Variants in STRN observed in about 807,000 individuals in gnomAD.
The protein encoded by STRN is striatin.
In STRN, 53 loss-of-function variants were observed where a neutral mutation model predicts 96.3. The ratio of observed to expected loss-of-function variants is 0.55; its 90% CI spans 0.44 to 0.69. The LOEUF is 0.69. Among genes scored for constraint, STRN ranks in the 30% least tolerant of loss-of-function variants. STRN has a pLI of 0.00. For synonymous variants in STRN, 428 were observed against 355.9 expected, an observed-to-expected ratio of 1.20 and a Z score of -2.28; for missense variants, 987 against 963.9, an observed-to-expected ratio of 1.02 and a Z score of -0.32.
chr2:36,841,500 T>C lies in STRN; in HGVS notation c.*7956A>G, dbSNP rs1023917324. 3.3e-5 allele frequency: 5 copies of C among 152,214 alleles called. No homozygotes were observed. Among genetic ancestry groups the C allele is most frequent in the Non-Finnish European group, 5.9e-5 (4 of 68,044 alleles). 9.4% of individuals were successfully genotyped at this position (152,214 alleles called of 1,614,324 possible). A position where few individuals can be genotyped will look rare whatever the true frequency, so the allele number is the denominator to read the frequency against. On this transcript the variant is annotated 3_prime_UTR_variant, in exon 18 of 18. Coordinates refer to ENST00000263918, the MANE Select transcript of STRN (RefSeq NM_003162.4). The stretch of plus-strand genomic sequence containing the variant: ...GAGTGATATTATTCTATCAAGAGGA[T>C]ATTCTGAAATACGTGGGCTATCGAA...
chr2:36,910,908 G>C (rs1032927823), intron 3 of STRN, among the ~76,000 whole-genome samples: 7 of 152,022 alleles, frequency 4.6e-5, no homozygotes, highest in South Asian at 2.1e-4. Context: ...TCCTACAGTA[G>C]AAATATGAAG....
At chr2:36,944,383 T>C (rs1207972270) in intron 1 of STRN, among the ~76,000 whole-genome samples, 4 of 152,156 alleles carry the variant, frequency 2.6e-5, no homozygotes, top group Non-Finnish European at 5.9e-5. Context: ...TTCAGGATAT[T>C]TGGTAATCTC....
Position 36,846,591 on chromosome 2 carries a change from C to G in STRN, c.*2865G>C, listed in dbSNP as rs1668084241. The G allele has an allele frequency of 6.6e-6, 1 of 150,608 alleles. No homozygotes were observed. Among genetic ancestry groups the G allele is most frequent in the African/African-American group, 2.4e-5 (1 of 40,954 alleles). 9.3% of individuals were successfully genotyped at this position (150,608 alleles called of 1,614,324 possible). ...GTCAGATTAAAAAAAAAATTTCTCA[C>G]AAAGTTCATCATCAGTGATGCAGCT... On this transcript the variant is annotated 3_prime_UTR_variant, in exon 18 of 18. Coordinates refer to ENST00000263918, the MANE Select transcript of STRN (RefSeq NM_003162.4).
intron 1 of STRN, among the ~76,000 whole-genome samples, chr2:36,957,742 G>GTTTTTTTTTTTTTTTTTTTTTTTTTT (rs1158709835): frequency 2.9e-5 from 3 of 103,132 alleles, no homozygotes; most frequent in African/African-American, 3.5e-5. Context: ...TCTTCTTTTT[G>GTTTTTTTTTTTTTTTTTTTTTTTTTT]TCTTTTTTTT....
chr2:36,920,852 G>A (rs1425694932), intron 2 of STRN, among the ~76,000 whole-genome samples: 6 of 151,834 alleles, frequency 4.0e-5, no homozygotes, highest in Non-Finnish European at 8.8e-5. Flanking sequence ...CAAGGCGGGC[G>A]GATCACAAGG....
Position 36,905,620 on chromosome 2 carries a change from T to C in STRN, c.413-2A>G, listed in dbSNP as rs1572663850. ...GCACTTCTGTTTCATTACCTTCATC[T>C]AGAAAACATTAAGTCATAATAAAAC... On this transcript the variant is annotated splice_acceptor_variant, in intron 3 of 17. Transcript: ENST00000263918. LOFTEE classifies it high-confidence loss of function. The C allele has an allele frequency of 6.2e-7, 1 of 1,612,450 alleles. No individual in the cohort carries two copies. Among genetic ancestry groups the C allele is most frequent in the Non-Finnish European group, 8.5e-7 (1 of 1,179,684 alleles).
In STRN at chr2:36,955,497, G is replaced by A. The variant is rs548096837; in HGVS notation, c.234+10733C>T. On this transcript the variant is annotated intron_variant, in intron 1 of 17. Transcript: ENST00000263918. Reference sequence around the variant, plus strand: ...TGAAAAATACAGATAAGACATCTTTGTAGAGTTAAGAACAGGTTAATGTGT... The same window carrying A: ...TGAAAAATACAGATAAGACATCTTTATAGAGTTAAGAACAGGTTAATGTGT... Among the ~76,000 whole-genome samples, 13 of 152,292 alleles carry A rather than the reference G, an allele frequency of 8.5e-5. No homozygotes were observed. The South Asian group carries it at 2.5e-3, about 29-fold the overall frequency.
intron 10 of STRN, among the ~76,000 whole-genome samples, chr2:36,870,880 T>C (rs1668744449): frequency 6.6e-6 from 1 of 152,074 alleles, no homozygotes; most frequent in Admixed American, 6.6e-5. Context: ...TGGGACAAGA[T>C]GTGGAGGTAG....
chr2:36,933,994 C>G (rs1250068357), intron 1 of STRN, among the ~76,000 whole-genome samples: 1 of 152,070 alleles, frequency 6.6e-6, no homozygotes, highest in Non-Finnish European at 1.5e-5. Context: ...CGCCTGTAGT[C>G]CCAGCTACTC....
At position 36,841,361 on chromosome 2, in the gene STRN, A is replaced by T. The variant is rs1409662432; in HGVS notation, c.*8095T>A. 1.3e-5 allele frequency: 2 copies of T among 152,158 alleles called. No homozygotes were observed. The highest frequency in any genetic ancestry group is 4.8e-5 in the African/African-American group (2 of 41,434). The allele number at this position is 152,158 out of a possible 1,614,324, so 9.4% of individuals were successfully genotyped here. ...TACTGAGACATTTACCACATAAGAA[A>T]GCATTCTTACATAGCAGTTGAGTAC... On this transcript the variant is annotated 3_prime_UTR_variant, in exon 18 of 18. Coordinates refer to ENST00000263918, the MANE Select transcript of STRN (RefSeq NM_003162.4).
chr2:36,966,405 C>A lies in STRN; in HGVS notation c.59G>T (p.Gly20Val). The A allele has an allele frequency of 6.9e-7, 1 of 1,458,068 alleles. No homozygotes were observed. Among genetic ancestry groups the A allele is most frequent in the Non-Finnish European group, 9.0e-7 (1 of 1,106,250 alleles). The allele number at this position is 1,458,068 out of a possible 1,614,324, so 90.3% of individuals were successfully genotyped here. ...FFSNNHPGAG[G>V]AKGLGPLAEA... is the part of the protein sequence containing the mutation. ...CGCCAGAGGCCCGAGCCCCTTGGCA[C>A]CGCCGGCGCCCGGGTGGTTGTTGCT... The change falls in exon 1 of 18, where the codon GGT becomes GTT. Residue 20 changes from glycine to valine, a missense_variant. By Grantham distance (109) the Gly-to-Val change is moderately radical. Coordinates refer to ENST00000263918, the MANE Select transcript of STRN (RefSeq NM_003162.4).
rs1455093869 is a variant in STRN at position 36,844,733 on chromosome 2, A to T, written c.*4723T>A. The stretch of plus-strand genomic sequence containing the variant: ...AAAGGATCTGTTAAATACTTTGTCA[A>T]CCTGGCATCCCTGACACTGACATGA... On this transcript the variant is annotated 3_prime_UTR_variant, in exon 18 of 18. Coordinates refer to ENST00000263918, the MANE Select transcript of STRN (RefSeq NM_003162.4). 1 of 152,140 alleles carries T rather than the reference A, an allele frequency of 6.6e-6. No homozygotes were observed. Among genetic ancestry groups the T allele is most frequent in the Admixed American group, 6.6e-5 (1 of 15,250 alleles). 9.4% of individuals were successfully genotyped at this position (152,140 alleles called of 1,614,324 possible).
chr2:36,880,523 T>TA (rs1208778746), intron 9 of STRN, among the ~76,000 whole-genome samples: 1 of 152,170 alleles, frequency 6.6e-6, no homozygotes, highest in Non-Finnish European at 1.5e-5. Context: ...AAATAGAGCA[T>TA]AAATTAAGAC....
intron 9 of STRN, among the ~76,000 whole-genome samples, chr2:36,878,327 C>T (rs1668970639): frequency 6.6e-6 from 1 of 152,108 alleles, no homozygotes; most frequent in Non-Finnish European, 1.5e-5. Flanking sequence ...AGTAAGTTTT[C>T]CTCATTTGAT....
At chr2:36,964,175 C>T (rs1051675126) in intron 1 of STRN, among the ~76,000 whole-genome samples, 5 of 67,248 alleles carry the variant, frequency 7.4e-5, no homozygotes, top group African/African-American at 3.3e-4. Flanking sequence ...AGGGAGTGAA[C>T]GGGGCGGGGC....
At chr2:36,852,844 TTACCCAGCCTGTTATTTAAA>T (rs2148126667) in intron 15 of STRN, among the ~76,000 whole-genome samples, 1 of 152,232 alleles carries the variant, frequency 6.6e-6, no homozygotes, top group East Asian at 1.9e-4. Flanking sequence ...TGGCAGGTAA[TTACCCAGCCTGTTATTTAAA>T]TATAAAATGT....
At chr2:36,908,615 T>A (rs1213827539) in intron 3 of STRN, among the ~76,000 whole-genome samples, 1 of 152,144 alleles carries the variant, frequency 6.6e-6, no homozygotes, top group Non-Finnish European at 1.5e-5. Flanking sequence ...AATAAGAATG[T>A]ACCCTATCCT....
rs938523401 is a variant in STRN, at chr2:36,966,334, G to T, written c.130C>A (p.Arg44=). ...ATCCCCGGGAGACTGTACTGGGCTC[G>T]GGCCGCCCCCGCCGCAGCCGCCCCG... The part of the protein sequence containing the change: ...GDGAAAAGAA[R]AQYSLPGILH... Residue 44 remains arginine, a synonymous_variant, in exon 1 of 18, where the codon CGA becomes AGA. Coordinates refer to ENST00000263918, the MANE Select transcript of STRN (RefSeq NM_003162.4). The T allele has an allele frequency of 2.6e-5, 38 of 1,481,098 alleles. No individual in the cohort carries two copies. Among genetic ancestry groups the T allele is most frequent in the Non-Finnish European group, 3.0e-5 (33 of 1,117,002 alleles). 91.7% of individuals were successfully genotyped at this position (1,481,098 alleles called of 1,614,324 possible).
At chr2:36,852,778 T>C (rs1427459601) in intron 15 of STRN, among the ~76,000 whole-genome samples, 1 of 152,242 alleles carries the variant, frequency 6.6e-6, no homozygotes, top group Non-Finnish European at 1.5e-5. Context: ...GATTTTCATG[T>C]GGCTCCTAGA....
Sources: gnomAD v4.1 joint callset for allele counts (sites outside exome capture counted in the v4.1 genomes callset) on GRCh38, gnomAD v4.1.1 for gene constraint, MANE v1.5 for transcripts, NCBI Gene and HGNC (gene_info 2026-07-23, HGNC 2026-07-21) for gene names.